Variants in CDH13 observed in about 807,000 individuals in gnomAD.
The protein encoded by CDH13 is cadherin-13.
CDH13 carries 24 observed loss-of-function variants against 63.8 expected under a neutral mutation model. The ratio of observed to expected loss-of-function variants is 0.38; its 90% CI spans 0.27 to 0.53. CDH13 has a LOEUF of 0.53. CDH13 is among the 20% of genes least tolerant of loss of function. The probability of loss-of-function intolerance (pLI) is 0.85; values close to 1 mark genes in which losing one functional copy is unlikely to be tolerated. For missense variants in CDH13, 1,049 were observed against 903.1 expected, an observed-to-expected ratio of 1.16 and a Z score of -2.07; for synonymous variants, 503 against 355.3, an observed-to-expected ratio of 1.42 and a Z score of -4.67.
At chr16:83,422,321 A>G (rs1203237258) in intron 6 of CDH13, among the ~76,000 whole-genome samples, 1 of 152,194 alleles carries the variant, frequency 6.6e-6, no homozygotes, top group Non-Finnish European at 1.5e-5. Flanking sequence ...TAATAGGGGA[A>G]CTTAAGAACC....
intron 2 of CDH13, among the ~76,000 whole-genome samples, chr16:82,982,342 G>T (rs982411443): frequency 6.6e-6 from 1 of 151,980 alleles, no homozygotes; most frequent in African/African-American, 2.4e-5. Context: ...AACTGTATTA[G>T]GTTCCTATTG....
At chr16:82,926,492 C>G (rs2042307763) in intron 2 of CDH13, among the ~76,000 whole-genome samples, 1 of 152,190 alleles carries the variant, frequency 6.6e-6, no homozygotes, top group Non-Finnish European at 1.5e-5. Flanking sequence ...GCATGACATT[C>G]TTAGTAATGA....
At chr16:83,076,418 T>G (rs1416394814) in intron 3 of CDH13, among the ~76,000 whole-genome samples, 1 of 152,138 alleles carries the variant, frequency 6.6e-6, no homozygotes, top group Non-Finnish European at 1.5e-5. Flanking sequence ...GGTGTCTCCT[T>G]GGCTAGACAA....
intron 11 of CDH13, among the ~76,000 whole-genome samples, chr16:83,764,607 C>T (rs1176397168): frequency 6.6e-6 from 1 of 152,074 alleles, no homozygotes; most frequent in Non-Finnish European, 1.5e-5. Flanking sequence ...CTGTGAGGCT[C>T]CCACCCCCTC....
chr16:83,325,021 C>T (rs1188523671), intron 5 of CDH13, among the ~76,000 whole-genome samples: 6 of 152,144 alleles, frequency 3.9e-5, no homozygotes. Context: ...TGGGCATTTG[C>T]TAAGGCTGTC....
intron 7 of CDH13, among the ~76,000 whole-genome samples, chr16:83,597,589 A>T (rs1235464794): frequency 6.6e-5 from 10 of 152,146 alleles, no homozygotes; most frequent in African/African-American, 2.4e-4. Flanking sequence ...TTTTATTTTT[A>T]TGTTGCTTAC....
intron 3 of CDH13, among the ~76,000 whole-genome samples, chr16:83,092,977 G>A (rs961788426): frequency 1.3e-5 from 2 of 152,142 alleles, no homozygotes; most frequent in African/African-American, 4.8e-5. Flanking sequence ...TAGTAAGGAA[G>A]GCACTGTGAT....
chr16:83,701,631 C>G (rs1454132400), intron 10 of CDH13, among the ~76,000 whole-genome samples: 1 of 152,178 alleles, frequency 6.6e-6, no homozygotes, highest in African/African-American at 2.4e-5. Context: ...TGCCTCTGTG[C>G]TAGGGTTTCT....
At chr16:83,431,710 C>T (rs1229668378) in intron 6 of CDH13, among the ~76,000 whole-genome samples, 1 of 152,086 alleles carries the variant, frequency 6.6e-6, no homozygotes, top group Non-Finnish European at 1.5e-5. Flanking sequence ...GTGCCACACA[C>T]TTTCAAACAA....
chr16:82,741,395 C>T (rs753741343), intron 1 of CDH13, among the ~76,000 whole-genome samples: 13 of 152,204 alleles, frequency 8.5e-5, no homozygotes, highest in Non-Finnish European at 1.5e-4. Flanking sequence ...TCTGCACATC[C>T]TTCACTAATC....
rs114404509 is a variant in CDH13, at chr16:83,219,856, T to C, written c.636+2359T>C. On this transcript the variant is annotated intron_variant, in intron 5 of 13. Coordinates refer to ENST00000567109, the MANE Select transcript of CDH13 (RefSeq NM_001257.5). ...ACTGGGTTCCTTGCTTTCATGTATC[T>C]TTTATTCTAGTTCTTTGTTTCGGAA... Among the ~76,000 whole-genome samples, 755 of 152,350 alleles carry C rather than the reference T, an allele frequency of 5.0e-3. 8 individuals carry two copies. The highest frequency in any genetic ancestry group is 0.017 in the African/African-American group (700 of 41,576).
intron 5 of CDH13, among the ~76,000 whole-genome samples, chr16:83,323,179 TTTCTTTCTTTCTTTCTTTCTTTC>T (rs2090274068): frequency 3.0e-4 from 28 of 93,522 alleles, no homozygotes; most frequent in Middle Eastern, 5.0e-3. Flanking sequence ...TTCTTTTTTC[TTTCTTTCTTTCTTTCTTTCTTTC>T]TTTCTTTCTT....
At chr16:83,258,039 T>C (rs1906503155) in intron 5 of CDH13, among the ~76,000 whole-genome samples, 1 of 152,226 alleles carries the variant, frequency 6.6e-6, no homozygotes, top group Non-Finnish European at 1.5e-5. Context: ...GAAGAATTTA[T>C]TCTTGCATAC....
intron 10 of CDH13, among the ~76,000 whole-genome samples, chr16:83,689,027 C>T (rs1376645107): frequency 1.3e-5 from 2 of 152,088 alleles, no homozygotes; most frequent in Admixed American, 6.6e-5. Flanking sequence ...AACATCTGGC[C>T]GTTTGGGTAA....
intron 2 of CDH13, among the ~76,000 whole-genome samples, chr16:82,965,656 T>C (rs150244127): frequency 6.6e-6 from 1 of 152,144 alleles, no homozygotes; most frequent in Admixed American, 6.5e-5. Context: ...ATGGCCAGTA[T>C]TATTTTTTAA....
At chr16:83,372,481 C>A (rs565672166) in intron 6 of CDH13, among the ~76,000 whole-genome samples, 1 of 152,004 alleles carries the variant, frequency 6.6e-6, no homozygotes, top group South Asian at 2.1e-4. Flanking sequence ...GGGTCGGGTG[C>A]GGTGGCTCAT....
In CDH13 at chr16:83,041,111, A is replaced by G. The variant is rs191305237; in HGVS notation, c.366+8893A>G. 2.1e-3 allele frequency among the ~76,000 whole-genome samples: 319 copies of G among 152,316 alleles called. 1 individual carries two copies. Among genetic ancestry groups the G allele is most frequent in the Middle Eastern group, 0.017 (5 of 294 alleles). On this transcript the variant is annotated intron_variant, in intron 3 of 13. Coordinates refer to ENST00000567109, the MANE Select transcript of CDH13 (RefSeq NM_001257.5). ...GGCAGTATTTAAAAGTTCATTATGAACAATTTACCCTTCTTAACTGGAAGT... is the reference window on the plus strand; with the variant it reads ...GGCAGTATTTAAAAGTTCATTATGAGCAATTTACCCTTCTTAACTGGAAGT...
intron 7 of CDH13, among the ~76,000 whole-genome samples, chr16:83,499,825 G>A (rs772354851): frequency 4.2e-4 from 64 of 150,870 alleles, no homozygotes; most frequent in Non-Finnish European, 8.3e-4. Context: ...TTTTTGAGAC[G>A]AAGTCTCGCT....
chr16:83,226,047 A>C (rs1385587458), intron 5 of CDH13, among the ~76,000 whole-genome samples: 1 of 152,224 alleles, frequency 6.6e-6, no homozygotes, highest in Non-Finnish European at 1.5e-5. Flanking sequence ...GAATTCTGAG[A>C]AACAGAATTT....
Sources: allele counts gnomAD v4.1 joint callset (sites outside exome capture counted in the v4.1 genomes callset), GRCh38; gene constraint gnomAD v4.1.1; transcripts MANE v1.5; gene names NCBI Gene and HGNC (gene_info 2026-07-23, HGNC 2026-07-21).